The following FKBP1B variants were observed in gnomAD, a reference collection of about 807,000 sequenced individuals.
FKBP1B encodes the protein FKBP prolyl isomerase 1B, also known as peptidyl-prolyl cis-trans isomerase FKBP1B.
In FKBP1B, 4 loss-of-function variants were observed where a neutral mutation model predicts 13.5. The ratio of observed to expected loss-of-function variants is 0.30; its 90% CI spans 0.15 to 0.68. The LOEUF (loss-of-function observed/expected upper bound fraction) is 0.68, where lower values mean the gene tolerates loss of function less well. Among genes scored for constraint, FKBP1B ranks in the 30% least tolerant of loss-of-function variants. FKBP1B has a pLI of 0.76. For synonymous variants in FKBP1B, 54 were observed against 53.6 expected, an observed-to-expected ratio of 1.01 and a Z score of -0.03; for missense variants, 93 against 136.2, an observed-to-expected ratio of 0.68 and a Z score of 1.58.
chr2:24,038,657 A>C, the FKBP1B span: 1 of 1,614,280 alleles, frequency 6.2e-7, no homozygotes, highest in Non-Finnish European at 8.5e-7. Context: ...AGAGGTTCTA[A>C]ATAGGAAGAA....
intron 3 of FKBP1B, 108 bp downstream of exon 3, chr2:24,061,034 A>C: frequency 1.3e-6 from 1 of 794,512 alleles, no homozygotes; most frequent in East Asian, 2.8e-5. Flanking sequence ...TACTGCTTTG[A>C]CTCTACAGCC....
chr2:24,048,111 C>T (rs1663690433), upstream of FKBP1B, among the ~76,000 whole-genome samples: 1 of 152,164 alleles, frequency 6.6e-6, no homozygotes, highest in Admixed American at 6.5e-5. Flanking sequence ...CTCCCCATGC[C>T]TATCTTCCAG....
At chr2:24,051,659 C>T (rs902919545) in intron 1 of FKBP1B, among the ~76,000 whole-genome samples, 1 of 152,174 alleles carries the variant, frequency 6.6e-6, no homozygotes. Context: ...GAACATGTTA[C>T]ATGTTGTTCC....
the FKBP1B span, chr2:24,038,582 T>C: frequency 8.1e-6 from 13 of 1,613,992 alleles, no homozygotes; most frequent in Admixed American, 2.2e-4. Context: ...TAGTCCTTTT[T>C]TCTTAGACAA....
At chr2:24,035,666 G>C in the FKBP1B span, among the ~76,000 whole-genome samples, 1 of 152,048 alleles carries the variant, frequency 6.6e-6, no homozygotes, top group African/African-American at 2.4e-5. Context: ...TGTAATCCCA[G>C]CGCTTTGGGA....
Position 24,050,517 on chromosome 2 carries a change from C to T in FKBP1B, c.37+631C>T, listed in dbSNP as rs527866314. Among the ~76,000 whole-genome samples, 21 of 152,272 alleles carry T rather than the reference C, an allele frequency of 1.4e-4. No individual in the cohort carries two copies. In the East Asian group the frequency reaches 3.9e-3, roughly 28 times the overall value. On this transcript the variant is annotated intron_variant, in intron 1 of 3. Transcript: ENST00000380986. This position sits in a 1 kb window ranked among gnomAD's most constrained non-coding sequence, Gnocchi z 5.8. ...AAGCTTCTAAGCCCAGCCCTGCGACCTACGGCCGAACCTCTCCCTGGACGT... is the reference window on the plus strand; with the variant it reads ...AAGCTTCTAAGCCCAGCCCTGCGACTTACGGCCGAACCTCTCCCTGGACGT...
chr2:24,039,965 T>A, the FKBP1B span, among the ~76,000 whole-genome samples: 1 of 150,156 alleles, frequency 6.7e-6, no homozygotes, highest in Admixed American at 6.7e-5. Flanking sequence ...GCCCAGCTAA[T>A]TTTTTTTTTA....
At chr2:24,033,606 T>C in the FKBP1B span, among the ~76,000 whole-genome samples, 1 of 151,088 alleles carries the variant, frequency 6.6e-6, no homozygotes, top group East Asian at 2.0e-4. Flanking sequence ...CCAGGCATGG[T>C]GGTACACACT....
At chr2:24,033,808 T>C in the FKBP1B span, among the ~76,000 whole-genome samples, 1 of 152,070 alleles carries the variant, frequency 6.6e-6, no homozygotes, top group Non-Finnish European at 1.5e-5. Flanking sequence ...TGTTAAGCAC[T>C]TTGGGAGGCC....
intron 2 of FKBP1B, 160 bp downstream of exon 2, chr2:24,054,109 C>T (rs1351867842): frequency 1.3e-6 from 1 of 742,750 alleles, no homozygotes; most frequent in Non-Finnish European, 2.4e-6. Flanking sequence ...CCCAGCCAGT[C>T]TAGTGGGAAT....
rs370867891 is a variant in FKBP1B, at chr2:24,056,555, G to C, written c.85+2606G>C. ...GATGGGATTTCACCATGTTGGCCAGGCTGGTCACTGTGGTTTTGATTTGTG... is the reference window on the plus strand; with the variant it reads ...GATGGGATTTCACCATGTTGGCCAGCCTGGTCACTGTGGTTTTGATTTGTG... On this transcript the variant is annotated intron_variant, in intron 2 of 3. Coordinates refer to ENST00000380986, the MANE Select transcript of FKBP1B (RefSeq NM_004116.5). Among the ~76,000 whole-genome samples the C allele has an allele frequency of 5.3e-5, 8 of 152,230 alleles. No homozygotes were observed. The South Asian group carries it at 1.0e-3, about 20-fold the overall frequency.
chr2:24,047,044 C>G (rs760825406), upstream of FKBP1B, among the ~76,000 whole-genome samples: 3 of 152,170 alleles, frequency 2.0e-5, no homozygotes, highest in Admixed American at 6.5e-5. Context: ...AGGCTTAAAG[C>G]ATTTCCTGAC....
chr2:24,062,151 G>A (rs1664423058), intron 3 of FKBP1B, among the ~76,000 whole-genome samples: 1 of 151,948 alleles, frequency 6.6e-6, no homozygotes. Flanking sequence ...GAGCCACCGT[G>A]CCCGGCCTGT....
chr2:24,035,980 A>G, the FKBP1B span, among the ~76,000 whole-genome samples: 1 of 146,854 alleles, frequency 6.8e-6, no homozygotes, highest in African/African-American at 2.5e-5. Flanking sequence ...GAGGCAGGAG[A>G]ATTGCTAGAA....
At position 24,053,901 on chromosome 2, in the gene FKBP1B, G is replaced by T. The variant is rs770953029; in HGVS notation, c.38-1G>T. The T allele has an allele frequency of 6.2e-7, 1 of 1,614,124 alleles. No individual in the cohort carries two copies. The highest frequency in any genetic ancestry group is 8.5e-7 in the Non-Finnish European group (1 of 1,179,968). The stretch of plus-strand genomic sequence containing the variant: ...TCATCTGCCCTCATGTCTCCCTGCA[G>T]GAAGGACATTCCCCAAGAAGGGCCA... On this transcript the variant is annotated splice_acceptor_variant, in intron 1 of 3. Coordinates refer to ENST00000380986, the MANE Select transcript of FKBP1B (RefSeq NM_004116.5). LOFTEE classifies it high-confidence loss of function.
chr2:24,039,517 A>G, the FKBP1B span: 1 of 1,600,400 alleles, frequency 6.2e-7, no homozygotes, highest in Non-Finnish European at 8.5e-7. Flanking sequence ...GGTTACCTGA[A>G]ATGATTAAGA....
At chr2:24,054,176 A>G (rs1047166805) in intron 2 of FKBP1B, 1 of 702,786 alleles carries the variant, frequency 1.4e-6, no homozygotes, top group Non-Finnish European at 2.6e-6. Flanking sequence ...AGGGCCATCC[A>G]TGGTGCCAGC....
intron 2 of FKBP1B, among the ~76,000 whole-genome samples, chr2:24,060,527 G>C (rs909758816): frequency 6.6e-6 from 1 of 152,054 alleles, no homozygotes; most frequent in Non-Finnish European, 1.5e-5. Context: ...ACTCCAGCCT[G>C]GGTGACAAAT....
chr2:24,060,475 CCAGGAGATGGAGGTTG>C, intron 2 of FKBP1B, among the ~76,000 whole-genome samples: 1 of 152,222 alleles, frequency 6.6e-6, no homozygotes, highest in East Asian at 1.9e-4. Context: ...TCGATTGAAC[CCAGGAGATGGAGGTTG>C]CAGTGAGCCG....
Sources: gnomAD v4.1 joint callset for allele counts (sites outside exome capture counted in the v4.1 genomes callset) on GRCh38, gnomAD v4.1.1 for gene constraint, Gnocchi (gnomAD v3.1) non-coding constraint, MANE v1.5 for transcripts, NCBI Gene and HGNC (gene_info 2026-07-23, HGNC 2026-07-21) for gene names.